Variants in CAMSAP2 observed in about 807,000 individuals in gnomAD.
CAMSAP2 encodes the protein calmodulin-regulated spectrin-associated protein 2.
Under a neutral mutation model 146.1 loss-of-function variants are expected in CAMSAP2, and 26 were observed. The observed-to-expected ratio is 0.18, with a 90% confidence interval of 0.13 to 0.25. CAMSAP2 has a LOEUF of 0.25. Ranked by LOEUF, CAMSAP2 falls within the 10% of genes least tolerant of loss-of-function variation. The pLI is 1.00. For missense variants in CAMSAP2, 1,381 were observed against 1,759.3 expected (o/e 0.78, Z 3.85); for synonymous variants, 499 against 596.6 (o/e 0.84, Z 2.38).
intron 2 of CAMSAP2, among the ~76,000 whole-genome samples, chr1:200,761,709 T>C (rs1267768661): frequency 6.8e-6 from 1 of 146,870 alleles, no homozygotes; most frequent in East Asian, 2.0e-4. Flanking sequence ...CACTCCAGCC[T>C]GGGCAACAAG....
intron 1 of CAMSAP2, among the ~76,000 whole-genome samples, chr1:200,755,740 A>G (rs1293541418): frequency 6.6e-6 from 1 of 152,196 alleles, no homozygotes; most frequent in African/African-American, 2.4e-5. Flanking sequence ...TCCAGGTACT[A>G]GTGACACAGG....
intron 1 of CAMSAP2, among the ~76,000 whole-genome samples, chr1:200,750,511 T>C (rs539335068): frequency 6.6e-6 from 1 of 152,294 alleles, no homozygotes; most frequent in Admixed American, 6.5e-5. Context: ...CCAATTATTT[T>C]GTCCCATTTG....
chr1:200,817,474 ATGTAT>A (rs1016161444), intron 4 of CAMSAP2, among the ~76,000 whole-genome samples: 6 of 152,146 alleles, frequency 3.9e-5, no homozygotes, highest in African/African-American at 1.2e-4. Context: ...GTCTTTTAAA[ATGTAT>A]TGTAATTGGA....
intron 2 of CAMSAP2, among the ~76,000 whole-genome samples, chr1:200,781,545 G>A (rs889380252): frequency 1.3e-5 from 2 of 151,678 alleles, no homozygotes; most frequent in African/African-American, 4.8e-5. Context: ...TTGTATGTTT[G>A]TTTTTGTTTT....
chr1:200,803,976 G>A (rs1469802562), intron 2 of CAMSAP2, among the ~76,000 whole-genome samples: 2 of 151,644 alleles, frequency 1.3e-5, no homozygotes, highest in Admixed American at 6.6e-5. Flanking sequence ...GCCCAGGCTG[G>A]AGTGCAGTGG....
At chr1:200,774,989 T>C (rs973021665) in intron 2 of CAMSAP2, among the ~76,000 whole-genome samples, 1 of 152,156 alleles carries the variant, frequency 6.6e-6, no homozygotes, top group Admixed American at 6.5e-5. Flanking sequence ...AGCTACTATT[T>C]TAGTAGTAAA....
intron 2 of CAMSAP2, among the ~76,000 whole-genome samples, chr1:200,769,439 A>G (rs115681115): frequency 2.6e-4 from 39 of 152,252 alleles, no homozygotes; most frequent in African/African-American, 8.9e-4. Context: ...TTCAGTTCCA[A>G]CATTATCTAC....
chr1:200,775,751 G>T (rs756994415), intron 2 of CAMSAP2, among the ~76,000 whole-genome samples: 1 of 152,034 alleles, frequency 6.6e-6, no homozygotes, highest in South Asian at 2.1e-4. Flanking sequence ...GGCTGGTCTC[G>T]AACTCCTGAC....
At chr1:200,843,540 T>A (rs1488462755) in intron 7 of CAMSAP2, among the ~76,000 whole-genome samples, 5 of 152,202 alleles carry the variant, frequency 3.3e-5, no homozygotes, top group African/African-American at 7.2e-5. Context: ...GTATAATTTT[T>A]AAAAATTATT....
chr1:200,752,473 G>GA (rs946227209), intron 1 of CAMSAP2, among the ~76,000 whole-genome samples: 1 of 151,710 alleles, frequency 6.6e-6, no homozygotes, highest in Non-Finnish European at 1.5e-5. Context: ...TAATTCATAA[G>GA]AAAAAAAATT....
At chr1:200,817,492 C>T (rs1666636418) in intron 4 of CAMSAP2, among the ~76,000 whole-genome samples, 2 of 151,866 alleles carry the variant, frequency 1.3e-5, no homozygotes, top group Admixed American at 6.6e-5. Context: ...TAATTGGAAC[C>T]CTTTAAACAT....
chr1:200,759,175 G>T (rs1364307027), intron 1 of CAMSAP2, among the ~76,000 whole-genome samples: 1 of 151,540 alleles, frequency 6.6e-6, no homozygotes, highest in Non-Finnish European at 1.5e-5. Flanking sequence ...GTTCAATTTG[G>T]TGTCTCTTCA....
chr1:200,841,735 CAGTT>C (rs1667328562), intron 6 of CAMSAP2, among the ~76,000 whole-genome samples: 1 of 152,034 alleles, frequency 6.6e-6, no homozygotes, highest in Non-Finnish European at 1.5e-5. Flanking sequence ...GTGTTCTACA[CAGTT>C]AGAGGTATTC....
rs370966596 is a variant in CAMSAP2, at chr1:200,765,167, C to G, written c.399+4069C>G. ...TCAAAACAAAAACATTTCTCTCAAT[C>G]TCCACCCCAAAATTAATACTACAAT... On this transcript the variant is annotated intron_variant, in intron 2 of 16. Transcript: ENST00000358823. 7.0e-4 allele frequency among the ~76,000 whole-genome samples: 107 copies of G among 152,184 alleles called. 4 individuals are homozygous for G. In the South Asian group the frequency reaches 0.021, roughly 30 times the overall value.
chr1:200,794,795 A>G (rs1043384327), intron 2 of CAMSAP2, among the ~76,000 whole-genome samples: 2 of 152,056 alleles, frequency 1.3e-5, no homozygotes, highest in Non-Finnish European at 2.9e-5. Context: ...GCATTTCCAC[A>G]TTGTAGTTTT....
At chr1:200,767,663 A>G (rs1236483200) in intron 2 of CAMSAP2, among the ~76,000 whole-genome samples, 1 of 152,176 alleles carries the variant, frequency 6.6e-6, no homozygotes, top group Non-Finnish European at 1.5e-5. Flanking sequence ...GTGAGAAGAC[A>G]TTAATTTCTG....
At chr1:200,796,839 A>C (rs1258994639) in intron 2 of CAMSAP2, among the ~76,000 whole-genome samples, 1 of 149,234 alleles carries the variant, frequency 6.7e-6, no homozygotes, top group East Asian at 2.0e-4. Flanking sequence ...ACCCCACAAC[A>C]GTCCCCAGAG....
At chr1:200,839,033 A>G (rs1271091014) in intron 6 of CAMSAP2, among the ~76,000 whole-genome samples, 2 of 152,210 alleles carry the variant, frequency 1.3e-5, no homozygotes, top group Non-Finnish European at 2.9e-5. Context: ...AATTTTGGAC[A>G]TAGGCCTTTG....
chr1:200,809,547 A>G (rs778094203), intron 3 of CAMSAP2, among the ~76,000 whole-genome samples: 5 of 152,168 alleles, frequency 3.3e-5, no homozygotes, highest in Admixed American at 6.5e-5. Context: ...CCTGGCCAAC[A>G]TGGCGAAACT....
Sources: gnomAD v4.1 joint callset for allele counts (sites outside exome capture counted in the v4.1 genomes callset) on GRCh38, gnomAD v4.1.1 for gene constraint, MANE v1.5 for transcripts, NCBI Gene and HGNC (gene_info 2026-07-23, HGNC 2026-07-21) for gene names.